FNIP1: variants seen among roughly 807,000 people sequenced by gnomAD.
The protein encoded by FNIP1 is folliculin interacting protein 1.
Under a neutral mutation model 124.5 loss-of-function variants are expected in FNIP1, and 40 were observed. That is an observed-to-expected ratio of 0.32 (90% CI 0.25 to 0.42). The LOEUF (loss-of-function observed/expected upper bound fraction) is 0.42, where lower values mean the gene tolerates loss of function less well. FNIP1 is among the 10% of genes least tolerant of loss of function. The probability of loss-of-function intolerance (pLI) is 1.00; values close to 1 mark genes in which losing one functional copy is unlikely to be tolerated. For missense variants in FNIP1, 1,176 were observed against 1,403.7 expected, an observed-to-expected ratio of 0.84 and a Z score of 2.59; for synonymous variants, 472 against 470.6, an observed-to-expected ratio of 1.00 and a Z score of -0.04.
At position 131,699,989 on chromosome 5, in the gene FNIP1, C is replaced by CT. The variant is rs202023474; in HGVS notation, c.1117-988dup. On this transcript the variant is annotated intron_variant, in intron 10 of 17. Transcript: ENST00000510461. ...TAGCTAAAGGTGTTAGTAATATTTG[C>CT]TTTTTTTTTTTTTTAAGACAGAGTC... 6.2e-3 allele frequency among the ~76,000 whole-genome samples: 772 copies of CT among 124,520 alleles called. 10 individuals are homozygous for CT. The highest frequency in any genetic ancestry group is 0.017 in the African/African-American group (602 of 35,882). 81.7% of individuals were successfully genotyped at this position (124,520 alleles called of 152,430 possible).
At chr5:131,699,100 C>T in intron 10 of FNIP1, 98 bp from the exon 11 acceptor site, 1 of 772,520 alleles carries the variant, frequency 1.3e-6, no homozygotes. Context: ...TTACACAACG[C>T]TCTATCAAAA....
intron 11 of FNIP1, among the ~76,000 whole-genome samples, chr5:131,698,516 A>G (rs754085477): frequency 7.9e-5 from 12 of 152,242 alleles, no homozygotes; most frequent in Non-Finnish European, 1.8e-4. Context: ...AAAGCCATTT[A>G]GAATATCAAG....
intron 1 of FNIP1, among the ~76,000 whole-genome samples, chr5:131,774,755 G>C (rs1041730981): frequency 1.3e-5 from 2 of 152,128 alleles, no homozygotes; most frequent in Non-Finnish European, 2.9e-5. Flanking sequence ...GAGAGCACCA[G>C]AATATTTAGT....
intron 11 of FNIP1, among the ~76,000 whole-genome samples, chr5:131,685,448 C>CTTTTTTT (rs368323566): frequency 7.9e-6 from 1 of 126,066 alleles, no homozygotes; most frequent in East Asian, 2.3e-4. Flanking sequence ...CCTTAAGAAT[C>CTTTTTTT]TTTTTTTTTT....
chr5:131,673,028 G>T, intron 13 of FNIP1, 104 bp from the exon 14 acceptor site: 30 of 744,712 alleles, frequency 4.0e-5, no homozygotes, highest in Non-Finnish European at 5.5e-5. Context: ...ATGAGTAATA[G>T]TTTAGGTTTT....
chr5:131,708,168 G>A (rs1156719155), intron 8 of FNIP1, among the ~76,000 whole-genome samples: 1 of 152,148 alleles, frequency 6.6e-6, no homozygotes, highest in African/African-American at 2.4e-5. Flanking sequence ...ACCTTCTCTA[G>A]GTTACACGAG....
At chr5:131,663,162 T>C (rs1377345608) in intron 15 of FNIP1, among the ~76,000 whole-genome samples, 1 of 152,238 alleles carries the variant, frequency 6.6e-6, no homozygotes, top group Non-Finnish European at 1.5e-5. Context: ...TTACCTCTAG[T>C]AAAAGGATTC....
At chr5:131,682,397 T>A (rs187471288) in intron 11 of FNIP1, among the ~76,000 whole-genome samples, 2 of 152,266 alleles carry the variant, frequency 1.3e-5, no homozygotes, top group Admixed American at 1.3e-4. Context: ...TCTCACTATA[T>A]ACAACTCTAT....
intron 5 of FNIP1, among the ~76,000 whole-genome samples, chr5:131,718,107 G>C (rs141130118): frequency 6.6e-6 from 1 of 150,488 alleles, no homozygotes; most frequent in Non-Finnish European, 1.5e-5. Flanking sequence ...CAGGAGAATC[G>C]CTTGAACCCA....
At chr5:131,714,794 CTT>C (rs1411227103) in intron 6 of FNIP1, among the ~76,000 whole-genome samples, 1 of 152,194 alleles carries the variant, frequency 6.6e-6, no homozygotes, top group African/African-American at 2.4e-5. Context: ...TCACACACTG[CTT>C]TTAACTCTAA....
chr5:131,644,830 A>G, intron 17 of FNIP1, 67 bp from the exon 18 acceptor site: 1 of 1,479,852 alleles, frequency 6.8e-7, no homozygotes, highest in East Asian at 2.3e-5. Context: ...TCTACAGGCA[A>G]TGACCACCAA....
In FNIP1 at chr5:131,728,327, G is replaced by A. The variant is rs1163481425; in HGVS notation, c.354+2577C>T. On this transcript the variant is annotated intron_variant, in intron 3 of 17. Coordinates refer to ENST00000510461, the MANE Select transcript of FNIP1 (RefSeq NM_133372.3). ...TTTTAGGTACACCAATCAAACACAG[G>A]TTTGGTATTTTCACATAGTCCCATA... 2.6e-5 allele frequency among the ~76,000 whole-genome samples: 4 copies of A among 152,108 alleles called. No individual in the cohort carries two copies. In the East Asian group the frequency reaches 7.7e-4, roughly 29 times the overall value.
At chr5:131,728,771 T>C (rs983308633) in intron 3 of FNIP1, among the ~76,000 whole-genome samples, 4 of 152,176 alleles carry the variant, frequency 2.6e-5, no homozygotes, top group Non-Finnish European at 5.9e-5. Context: ...CATTCTGGTG[T>C]TTGGAATTTT....
Position 131,670,478 on chromosome 5 carries a change from T to C in FNIP1, c.3093A>G (p.Leu1031=), listed in dbSNP as rs183860907. 63 of 1,610,232 alleles carry C rather than the reference T, an allele frequency of 3.9e-5. 1 individual carries two copies. The Admixed American group carries it at 1.1e-3, about 27-fold the overall frequency. Reference sequence around the variant, plus strand: ...GGTCACTCACCTGCACAGCATGAGATAAATCTGACATCAGACACTGACGGA... The same window carrying C: ...GGTCACTCACCTGCACAGCATGAGACAAATCTGACATCAGACACTGACGGA... ...ERFRQCLMSD[L]SHAVQHPVLD... is the part of the protein sequence containing the mutation. Residue 1031 remains leucine, a synonymous_variant, in exon 15 of 18, where the codon TTA becomes TTG. Transcript: ENST00000510461.
At chr5:131,760,571 C>T (rs991619637) in intron 1 of FNIP1, among the ~76,000 whole-genome samples, 1 of 152,096 alleles carries the variant, frequency 6.6e-6, no homozygotes. Context: ...ATAGAGTATA[C>T]TTATCAAACA....
At chr5:131,717,349 G>A (rs1410034666) in intron 5 of FNIP1, among the ~76,000 whole-genome samples, 1 of 152,110 alleles carries the variant, frequency 6.6e-6, no homozygotes, top group Non-Finnish European at 1.5e-5. Flanking sequence ...AGTAGTCCAT[G>A]GTGTATATGC....
chr5:131,752,996 C>T (rs1323193535), intron 1 of FNIP1, among the ~76,000 whole-genome samples: 3 of 152,188 alleles, frequency 2.0e-5, no homozygotes, highest in African/African-American at 7.2e-5. Context: ...TGCTTGAACT[C>T]GGGAGGTGGA....
At chr5:131,763,308 C>T (rs1771297898) in intron 1 of FNIP1, among the ~76,000 whole-genome samples, 1 of 151,688 alleles carries the variant, frequency 6.6e-6, no homozygotes, top group Non-Finnish European at 1.5e-5. Flanking sequence ...CACACACACA[C>T]ACACACACAC....
chr5:131,716,766 C>T (rs997399890), intron 5 of FNIP1, 110 bp from the exon 6 acceptor site: 3 of 614,586 alleles, frequency 4.9e-6, no homozygotes, highest in African/African-American at 1.9e-5. Context: ...TTCCTATTAG[C>T]ATTACAAATT....
Sources: allele counts gnomAD v4.1 joint callset (sites outside exome capture counted in the v4.1 genomes callset), GRCh38; gene constraint gnomAD v4.1.1; transcripts MANE v1.5; gene names NCBI Gene and HGNC (gene_info 2026-07-23, HGNC 2026-07-21).